PXDNL: variants seen among roughly 807,000 people sequenced by gnomAD.
PXDNL encodes the protein peroxidasin like, also known as probable oxidoreductase PXDNL.
In PXDNL, 145 loss-of-function variants were observed where a neutral mutation model predicts 150.8. The ratio of observed to expected loss-of-function variants is 0.96; its 90% confidence interval spans 0.84 to 1.10. The LOEUF (loss-of-function observed/expected upper bound fraction) is 1.10. PXDNL is among the 50% of genes least tolerant of loss of function. The pLI is 0.00. For missense variants in PXDNL, 2,087 were observed against 1,873.9 expected, an observed-to-expected ratio of 1.11 and a Z score of -2.10; for synonymous variants, 757 against 725.7, an observed-to-expected ratio of 1.04 and a Z score of -0.69.
chr8:51,374,476 A>T (rs1433500756), intron 18 of PXDNL, 121 bp downstream of exon 18: 2 of 893,748 alleles, frequency 2.2e-6, no homozygotes, highest in Non-Finnish European at 3.3e-6. Flanking sequence ...ATGCTATCTG[A>T]TATTCATTAT....
chr8:51,700,793 CATACACACAAATGCAT>C (rs532865360), intron 1 of PXDNL, among the ~76,000 whole-genome samples: 2 of 151,864 alleles, frequency 1.3e-5, no homozygotes, highest in Non-Finnish European at 2.9e-5. Flanking sequence ...CATATAAACA[CATACACACAAATGCAT>C]ATACACACAT....
intron 6 of PXDNL, among the ~76,000 whole-genome samples, chr8:51,478,120 G>C (rs780442775): frequency 6.6e-6 from 1 of 151,862 alleles, no homozygotes; most frequent in Non-Finnish European, 1.5e-5. Flanking sequence ...TCAAAATTTT[G>C]CCTGTAATTT....
intron 3 of PXDNL, among the ~76,000 whole-genome samples, chr8:51,558,661 T>G (rs1415485512): frequency 6.6e-6 from 1 of 152,078 alleles, no homozygotes; most frequent in Non-Finnish European, 1.5e-5. Context: ...ATACACAGAT[T>G]CACTTTAGAC....
intron 1 of PXDNL, among the ~76,000 whole-genome samples, chr8:51,689,470 T>C (rs1815943795): frequency 6.6e-6 from 1 of 152,202 alleles, no homozygotes; most frequent in Non-Finnish European, 1.5e-5. Context: ...CTCATTAGTT[T>C]ACTTTGCTTG....
At chr8:51,565,621 A>T (rs1197453560) in intron 3 of PXDNL, among the ~76,000 whole-genome samples, 1 of 151,934 alleles carries the variant, frequency 6.6e-6, no homozygotes, top group Non-Finnish European at 1.5e-5. Context: ...GATTGTCTAT[A>T]TGGATGGCTG....
chr8:51,665,262 G>A (rs772115126), intron 1 of PXDNL, among the ~76,000 whole-genome samples: 1 of 152,180 alleles, frequency 6.6e-6, no homozygotes, highest in Admixed American at 6.5e-5. Context: ...CGAACCCGCG[G>A]TGGGTCTCCC....
chr8:51,371,836 C>T (rs553146157), intron 19 of PXDNL, 37 bp downstream of exon 19: 10 of 1,536,574 alleles, frequency 6.5e-6, no homozygotes, highest in African/African-American at 4.1e-5. Context: ...AGAACATGCA[C>T]ATCAATCCAG....
chr8:51,353,123 G>A (rs1456897551), intron 19 of PXDNL, among the ~76,000 whole-genome samples: 1 of 150,964 alleles, frequency 6.6e-6, no homozygotes, highest in South Asian at 2.1e-4. Context: ...ATTGGAAAAA[G>A]CATGTTATTA....
intron 1 of PXDNL, among the ~76,000 whole-genome samples, chr8:51,707,177 C>T (rs375964592): frequency 6.6e-6 from 1 of 152,130 alleles, no homozygotes. Flanking sequence ...TTGTTTTGCT[C>T]GCTCTCTCTC....
At chr8:51,530,559 G>T (rs1368144642) in intron 4 of PXDNL, among the ~76,000 whole-genome samples, 1 of 152,116 alleles carries the variant, frequency 6.6e-6, no homozygotes, top group Non-Finnish European at 1.5e-5. Context: ...CACCCGGACT[G>T]CCCACTGCTG....
chr8:51,453,498 C>T (rs1809854634), intron 10 of PXDNL, 21 bp downstream of exon 10: 2 of 1,609,296 alleles, frequency 1.2e-6, no homozygotes, highest in African/African-American at 2.7e-5. Flanking sequence ...ACATTTCAAT[C>T]ATGACCTTCT....
chr8:51,584,269 T>C (rs1244079414), intron 3 of PXDNL, among the ~76,000 whole-genome samples: 1 of 152,178 alleles, frequency 6.6e-6, no homozygotes, highest in Non-Finnish European at 1.5e-5. Flanking sequence ...GCTATTTCTC[T>C]AAGTGGGTAA....
intron 4 of PXDNL, among the ~76,000 whole-genome samples, chr8:51,530,827 G>T (rs1811884104): frequency 6.6e-6 from 1 of 152,112 alleles, no homozygotes; most frequent in Non-Finnish European, 1.5e-5. Flanking sequence ...CTCTCTTTCT[G>T]CTGCTGCACA....
chr8:51,608,006 A>AAGGAAGG (rs1563481601), intron 2 of PXDNL, among the ~76,000 whole-genome samples: 27 of 45,774 alleles, frequency 5.9e-4, no homozygotes, highest in African/African-American at 1.1e-3. Flanking sequence ...AGGAAGGAAG[A>AAGGAAGG]AAGAAAGAAA....
At chr8:51,770,569 C>T (rs981972970) in intron 1 of PXDNL, among the ~76,000 whole-genome samples, 3 of 152,156 alleles carry the variant, frequency 2.0e-5, no homozygotes, top group African/African-American at 7.2e-5. Context: ...TAATCCTTTC[C>T]ATGTCTCCTG....
At chr8:51,418,123 A>C (rs993916466) in intron 14 of PXDNL, among the ~76,000 whole-genome samples, 2 of 152,200 alleles carry the variant, frequency 1.3e-5, no homozygotes, top group African/African-American at 4.8e-5. Context: ...TATGTATAAA[A>C]TGGATGAGAA....
At position 51,475,009 on chromosome 8, in the gene PXDNL, A is replaced by G. The variant is rs1177239667; in HGVS notation, c.657T>C (p.Arg219=). Residue 219 remains arginine (R), a synonymous_variant, in exon 7 of 23, where the codon CGT becomes CGC. Transcript: ENST00000356297. ...TCEYPRRLHG[R]AVASVTVEEF... is the part of the protein sequence containing the mutation. ...CCTCTACTGTTACTGAAGCAACTGC[A>G]CGCCCATGGAGTCTCCTGGGATATT... is the stretch of plus-strand genomic sequence containing the variant. 6.2e-7 allele frequency: 1 copy of G among 1,609,016 alleles called. No individual in the cohort carries two copies. Among genetic ancestry groups the G allele is most frequent in the Non-Finnish European group, 8.5e-7 (1 of 1,177,308 alleles).
At chr8:51,665,590 A>G (rs1815367637) in intron 1 of PXDNL, among the ~76,000 whole-genome samples, 1 of 152,250 alleles carries the variant, frequency 6.6e-6, no homozygotes, top group Non-Finnish European at 1.5e-5. Context: ...AAATACTGAC[A>G]CAGAGTATTG....
At chr8:51,377,834 G>A (rs766330497) in intron 17 of PXDNL, among the ~76,000 whole-genome samples, 3 of 152,180 alleles carry the variant, frequency 2.0e-5, no homozygotes, top group Non-Finnish European at 2.9e-5. Flanking sequence ...CCAGCCTCCC[G>A]GAGGAGCGCC....
Sources: allele counts gnomAD v4.1 joint callset (sites outside exome capture counted in the v4.1 genomes callset), GRCh38; gene constraint gnomAD v4.1.1; transcripts MANE v1.5; gene names NCBI Gene and HGNC (gene_info 2026-07-23, HGNC 2026-07-21).